Variants in KLF12 observed in about 807,000 individuals in gnomAD.
The protein encoded by KLF12 is KLF transcription factor 12.
Under a neutral mutation model 37.8 loss-of-function variants are expected in KLF12, and 9 were observed. That is an observed-to-expected ratio of 0.24 (90% confidence interval 0.14 to 0.42). The LOEUF is 0.42. KLF12 is among the 10% of genes least tolerant of loss of function. The pLI, the probability that KLF12 is intolerant of heterozygous loss-of-function variation, is 1.00. For synonymous variants in KLF12, 208 were observed against 202.1 expected (o/e 1.03, Z -0.25); for missense variants, 411 against 516.0 (o/e 0.80, Z 1.97).
chr13:74,119,636 A>T (rs940327622), intron 1 of KLF12, among the ~76,000 whole-genome samples: 3 of 152,202 alleles, frequency 2.0e-5, no homozygotes, highest in African/African-American at 7.2e-5. Flanking sequence ...ACTTGAGGAC[A>T]GATCAATACA....
intron 1 of KLF12, among the ~76,000 whole-genome samples, chr13:74,030,547 A>G (rs1013521915): frequency 6.6e-6 from 1 of 152,082 alleles, no homozygotes; most frequent in Non-Finnish European, 1.5e-5. Context: ...ACTGTTTCAG[A>G]AAAAAACCTT....
intron 2 of KLF12, among the ~76,000 whole-genome samples, chr13:73,979,893 G>C: frequency 6.6e-6 from 1 of 151,980 alleles, no homozygotes; most frequent in East Asian, 1.9e-4. Context: ...TACTTCAATG[G>C]CTGGTGTTCT....
In KLF12 at chr13:73,915,635, C is replaced by T. The variant is rs1369764136; in HGVS notation, c.123+28346G>A. Among the ~76,000 whole-genome samples, 4 of 151,734 alleles carry T rather than the reference C, an allele frequency of 2.6e-5. No homozygotes were observed. The East Asian group carries it at 7.7e-4, about 29-fold the overall frequency. On this transcript the variant is annotated intron_variant, in intron 3 of 7. Transcript: ENST00000377669. The stretch of plus-strand genomic sequence containing the variant: ...TCATGCCATTCTCCTGCCTCAGCCT[C>T]CCAAGTAGCTGGGACTACAGGCACC...
the KLF12 span, among the ~76,000 whole-genome samples, chr13:74,182,548 T>A: frequency 6.6e-6 from 1 of 152,122 alleles, no homozygotes; most frequent in Non-Finnish European, 1.5e-5. Flanking sequence ...GAGGGAGAAA[T>A]GGCTGGGATT....
the KLF12 span, among the ~76,000 whole-genome samples, chr13:74,148,742 TTTTTG>T: frequency 6.6e-6 from 1 of 152,192 alleles, no homozygotes; most frequent in South Asian, 2.1e-4. Context: ...TTCTCCAGTT[TTTTTG>T]TTTTGTTTTG....
chr13:74,303,567 C>CT, the KLF12 span, among the ~76,000 whole-genome samples: 4 of 152,158 alleles, frequency 2.6e-5, no homozygotes, highest in South Asian at 2.1e-4. Flanking sequence ...TGAAAATATA[C>CT]TTTTTTTGAT....
intron 1 of KLF12, among the ~76,000 whole-genome samples, chr13:74,052,823 CCT>C (rs1873009807): frequency 2.0e-5 from 3 of 152,118 alleles, no homozygotes. Flanking sequence ...CTCTCTCTCC[CCT>C]GTGTATCATC....
chr13:74,000,142 T>C (rs1277438849), intron 1 of KLF12, among the ~76,000 whole-genome samples: 1 of 152,170 alleles, frequency 6.6e-6, no homozygotes, highest in African/African-American at 2.4e-5. Context: ...ATTCAAGAAA[T>C]GTCACTCCTA....
chr13:73,752,889 T>G (rs1367823414), intron 6 of KLF12, among the ~76,000 whole-genome samples: 1 of 151,770 alleles, frequency 6.6e-6, no homozygotes, highest in Non-Finnish European at 1.5e-5. Context: ...TGTATTTTTT[T>G]GTAAAAAATA....
intron 2 of KLF12, among the ~76,000 whole-genome samples, chr13:73,977,564 A>G (rs181879434): frequency 1.8e-4 from 27 of 152,366 alleles, no homozygotes; most frequent in Admixed American, 2.6e-4. Flanking sequence ...TTGAATGACA[A>G]TACTTCACAA....
chr13:74,251,275 T>A, the KLF12 span, among the ~76,000 whole-genome samples: 596 of 152,114 alleles, frequency 3.9e-3, 6 homozygotes, highest in African/African-American at 0.013. Flanking sequence ...CCCCAGCCTC[T>A]CAAGTAGCTG....
intron 1 of KLF12, among the ~76,000 whole-genome samples, chr13:74,119,934 C>T (rs574495498): frequency 6.6e-6 from 1 of 151,596 alleles, no homozygotes; most frequent in Admixed American, 6.6e-5. Flanking sequence ...AAAGAAAAAA[C>T]TCCTGAAGGC....
At chr13:73,721,984 C>T (rs905341211) in intron 6 of KLF12, among the ~76,000 whole-genome samples, 1 of 152,154 alleles carries the variant, frequency 6.6e-6, no homozygotes, top group Non-Finnish European at 1.5e-5. Flanking sequence ...CCTTCCCTGA[C>T]ATTCCACTTT....
At chr13:74,219,496 C>A in the KLF12 span, among the ~76,000 whole-genome samples, 1 of 152,080 alleles carries the variant, frequency 6.6e-6, no homozygotes, top group Non-Finnish European at 1.5e-5. Context: ...AATTCATATA[C>A]CTTGTATGTA....
intron 6 of KLF12, among the ~76,000 whole-genome samples, chr13:73,729,622 G>A (rs1380151458): frequency 1.3e-5 from 2 of 152,190 alleles, no homozygotes; most frequent in African/African-American, 2.4e-5. Flanking sequence ...AGATGATAAT[G>A]TTAAACCTCC....
intron 1 of KLF12, among the ~76,000 whole-genome samples, chr13:74,072,376 T>TAC (rs1555269600): frequency 9.8e-6 from 1 of 102,016 alleles, no homozygotes; most frequent in Non-Finnish European, 1.8e-5. Flanking sequence ...TATATATATA[T>TAC]ATATATATAT....
intron 6 of KLF12, among the ~76,000 whole-genome samples, chr13:73,742,872 A>G (rs1444593099): frequency 6.6e-6 from 1 of 152,174 alleles, no homozygotes; most frequent in Non-Finnish European, 1.5e-5. Context: ...AGAAAATATT[A>G]CAGCCACAAG....
rs567084578 is a variant in KLF12, at chr13:74,047,419, G to A, written c.-31-52366C>T. 8.5e-5 allele frequency among the ~76,000 whole-genome samples: 12 copies of A among 140,504 alleles called. No individual in the cohort carries two copies. In the South Asian group the frequency reaches 1.7e-3, roughly 20 times the overall value. 92.2% of individuals were successfully genotyped at this position (140,504 alleles called of 152,430 possible). ...ATCCTGGCTAACACGGCGAAACCCCGTCTCTACTAAAAATACAAAAAAAAA... is the reference window on the plus strand; with the variant it reads ...ATCCTGGCTAACACGGCGAAACCCCATCTCTACTAAAAATACAAAAAAAAA... On this transcript the variant is annotated intron_variant, in intron 1 of 7. Coordinates refer to ENST00000377669, the MANE Select transcript of KLF12 (RefSeq NM_007249.5).
chr13:73,838,672 G>A (rs1220247946), intron 4 of KLF12, among the ~76,000 whole-genome samples: 3 of 75,074 alleles, frequency 4.0e-5, no homozygotes, highest in Middle Eastern at 5.2e-3. Context: ...TAGACTCTGC[G>A]CTGCTGGTGT....
Sources: allele counts gnomAD v4.1 joint callset (sites outside exome capture counted in the v4.1 genomes callset), GRCh38; gene constraint gnomAD v4.1.1; transcripts MANE v1.5; gene names NCBI Gene and HGNC (gene_info 2026-07-23, HGNC 2026-07-21).